The following NTM variants were observed in gnomAD, a reference collection of about 807,000 sequenced individuals.
NTM encodes the protein neurotrimin.
NTM carries 13 observed loss-of-function variants against 42.1 expected under a neutral mutation model. That is an observed-to-expected ratio of 0.31 (90% CI 0.20 to 0.49). The LOEUF is 0.49. Among genes scored for constraint, NTM ranks in the 20% least tolerant of loss-of-function variants. The probability of loss-of-function intolerance (pLI) is 0.99; values close to 1 mark genes in which losing one functional copy is unlikely to be tolerated. For missense variants in NTM, 373 were observed against 452.8 expected, an observed-to-expected ratio of 0.82 and a Z score of 1.60; for synonymous variants, 187 against 179.2, an observed-to-expected ratio of 1.04 and a Z score of -0.35.
chr11:131,785,964 A>G (rs2089119625), intron 1 of NTM, among the ~76,000 whole-genome samples: 1 of 152,154 alleles, frequency 6.6e-6, no homozygotes, highest in Non-Finnish European at 1.5e-5. Flanking sequence ...TGATGGCCAT[A>G]TGCTTTAGAT....
intron 1 of NTM, among the ~76,000 whole-genome samples, chr11:131,396,892 C>A (rs1038949962): frequency 3.3e-5 from 5 of 152,066 alleles, no homozygotes; most frequent in African/African-American, 1.2e-4. Context: ...ATTAGCTGTG[C>A]AACTCTGGGA....
At chr11:131,837,887 AGGTTGTGTG>A (rs2043717435) in intron 1 of NTM, among the ~76,000 whole-genome samples, 1 of 152,026 alleles carries the variant, frequency 6.6e-6, no homozygotes, top group African/African-American at 2.4e-5. Context: ...AAGTCGAAAA[AGGTTGTGTG>A]TAATACCAGG....
intron 1 of NTM, chr11:131,660,885 T>C: frequency 7.9e-7 from 1 of 1,264,608 alleles, no homozygotes; most frequent in African/African-American, 1.6e-5. Flanking sequence ...AAAGAACTTG[T>C]GTGTAATGTG....
chr11:132,238,137 C>T (rs2089437291), intron 4 of NTM, among the ~76,000 whole-genome samples: 1 of 152,052 alleles, frequency 6.6e-6, no homozygotes, highest in South Asian at 2.1e-4. Context: ...TCACTCTTAA[C>T]CTGGAAATCT....
intron 1 of NTM, among the ~76,000 whole-genome samples, chr11:131,554,643 C>A (rs2055157294): frequency 6.6e-6 from 1 of 151,962 alleles, no homozygotes; most frequent in African/African-American, 2.4e-5. Flanking sequence ...TTGCTGTTGA[C>A]TGCCATCTCA....
At chr11:132,103,074 C>T (rs1591526560) in intron 2 of NTM, among the ~76,000 whole-genome samples, 1 of 152,344 alleles carries the variant, frequency 6.6e-6, no homozygotes, top group South Asian at 2.1e-4. Flanking sequence ...CCAGGGCCGG[C>T]CTTCATTTCA....
Position 132,002,676 on chromosome 11 carries a change from C to T in NTM, c.167+91028C>T, listed in dbSNP as rs1017501534. The stretch of plus-strand genomic sequence containing the variant: ...CATGCTTCTCCTGAATCATTCCTCT[C>T]GTTAGGAATGTCAGTCTACTAAATT... On this transcript the variant is annotated intron_variant, in intron 2 of 8. Transcript: ENST00000683400. The surrounding 1 kb of genome is among the most constrained non-coding windows in gnomAD (Gnocchi z 4.5). 8.5e-5 allele frequency among the ~76,000 whole-genome samples: 13 copies of T among 152,118 alleles called. No individual in the cohort carries two copies. Among genetic ancestry groups the T allele is most frequent in the South Asian group, 2.1e-4 (1 of 4,826 alleles).
At chr11:131,692,272 A>G (rs1162479093) in intron 1 of NTM, among the ~76,000 whole-genome samples, 4 of 152,234 alleles carry the variant, frequency 2.6e-5, no homozygotes, top group African/African-American at 9.6e-5. Context: ...TCTCCCATGC[A>G]GATCTCTGAG....
chr11:131,611,140 G>A (rs1018054344), intron 1 of NTM, among the ~76,000 whole-genome samples: 3 of 152,158 alleles, frequency 2.0e-5, no homozygotes, highest in African/African-American at 4.8e-5. Context: ...CAAGGAAGCT[G>A]AAGTGACGCT....
intron 2 of NTM, among the ~76,000 whole-genome samples, chr11:132,104,583 C>CCA (rs1555263090): frequency 2.1e-5 from 3 of 140,366 alleles, no homozygotes; most frequent in Non-Finnish European, 3.0e-5. Flanking sequence ...GGGACCCCCC[C>CCA]CCACCAAAAA....
chr11:131,942,346 C>G (rs2059886654), intron 2 of NTM, among the ~76,000 whole-genome samples: 1 of 152,148 alleles, frequency 6.6e-6, no homozygotes, highest in South Asian at 2.1e-4. Flanking sequence ...GACTTGGACT[C>G]CCTTCTTCCT....
intron 1 of NTM, among the ~76,000 whole-genome samples, chr11:131,506,483 G>A (rs777366808): frequency 1.3e-5 from 2 of 152,190 alleles, no homozygotes; most frequent in Non-Finnish European, 2.9e-5. Context: ...ATGGCGTGTC[G>A]CTGGGACAGC....
At chr11:132,098,440 C>A (rs1251618191) in intron 2 of NTM, among the ~76,000 whole-genome samples, 1 of 152,202 alleles carries the variant, frequency 6.6e-6, no homozygotes, top group Non-Finnish European at 1.5e-5. Flanking sequence ...GGGGTCTGTG[C>A]TTTTCCTATA....
At chr11:132,110,271 A>G (rs1263327395) in intron 2 of NTM, among the ~76,000 whole-genome samples, 5 of 152,230 alleles carry the variant, frequency 3.3e-5, no homozygotes, top group Admixed American at 2.6e-4. Context: ...AAATGAATGA[A>G]TGATTACATA....
intron 1 of NTM, among the ~76,000 whole-genome samples, chr11:131,857,239 C>T (rs1254767628): frequency 1.3e-5 from 2 of 152,156 alleles, no homozygotes; most frequent in African/African-American, 4.8e-5. Flanking sequence ...CCCAATGTTG[C>T]CATCTCTGTC....
chr11:132,150,353 C>T (rs187841969), intron 3 of NTM, among the ~76,000 whole-genome samples: 176 of 152,248 alleles, frequency 1.2e-3, no homozygotes, highest in African/African-American at 3.9e-3. Context: ...ATAAGATCTA[C>T]GGGAACAAAT....
intron 3 of NTM, among the ~76,000 whole-genome samples, chr11:132,200,004 A>G (rs912708035): frequency 1.3e-5 from 2 of 152,144 alleles, no homozygotes; most frequent in African/African-American, 4.8e-5. Context: ...TCGCTCCAGC[A>G]CTGTGACATT....
At chr11:131,889,361 G>C (rs887637490) in intron 1 of NTM, among the ~76,000 whole-genome samples, 1 of 152,164 alleles carries the variant, frequency 6.6e-6, no homozygotes, top group Non-Finnish European at 1.5e-5. Flanking sequence ...CCTGGGCTCT[G>C]ATGGCCACAC....
intron 1 of NTM, among the ~76,000 whole-genome samples, chr11:131,543,999 CTCT>C (rs539393491): frequency 3.8e-4 from 58 of 152,308 alleles, no homozygotes; most frequent in African/African-American, 1.3e-3. Flanking sequence ...AGGCTAGGTC[CTCT>C]TCTTGCAGAG....
Sources: gnomAD v4.1 joint callset for allele counts (sites outside exome capture counted in the v4.1 genomes callset) on GRCh38, gnomAD v4.1.1 for gene constraint, Gnocchi (gnomAD v3.1) non-coding constraint, MANE v1.5 for transcripts, NCBI Gene and HGNC (gene_info 2026-07-23, HGNC 2026-07-21) for gene names.